Variants in RUSC2 observed in about 807,000 individuals in gnomAD.
The protein encoded by RUSC2 is AP-4 complex accessory subunit RUSC2.
In RUSC2, 34 loss-of-function variants were observed where a neutral mutation model predicts 122.2. That is an observed-to-expected ratio of 0.28 (90% CI 0.21 to 0.37). The LOEUF is 0.37. Among genes scored for constraint, RUSC2 ranks in the 10% least tolerant of loss-of-function variants. RUSC2 has a pLI of 1.00. For missense variants in RUSC2, 1,747 were observed against 1,952.4 expected (o/e 0.89, Z 1.98); for synonymous variants, 784 against 790.0 (o/e 0.99, Z 0.13).
In RUSC2 at chr9:35,561,711, C is replaced by T; in HGVS notation, c.*329C>T. The T allele has an allele frequency of 1.9e-6, 1 of 532,218 alleles. No individual in the cohort carries two copies. The highest frequency in any genetic ancestry group is 3.3e-6 in the Non-Finnish European group (1 of 302,182). The allele number at this position is 532,218 out of a possible 1,614,324, so 33.0% of individuals were successfully genotyped here. Reference sequence around the variant, plus strand: ...GCCCAGAAAGCCATCTACAGGGTTCCCTAGGCCAGGTGGAGATGAGGATGG... The same window carrying T: ...GCCCAGAAAGCCATCTACAGGGTTCTCTAGGCCAGGTGGAGATGAGGATGG... On this transcript the variant is annotated 3_prime_UTR_variant, in exon 12 of 12. Coordinates refer to ENST00000361226, the MANE Select transcript of RUSC2 (RefSeq NM_014806.5).
At chr9:35,503,423 T>G (rs1820853918) in intron 1 of RUSC2, among the ~76,000 whole-genome samples, 1 of 152,184 alleles carries the variant, frequency 6.6e-6, no homozygotes, top group African/African-American at 2.4e-5. Context: ...TCCAAGTTGC[T>G]AAAAAAGCCG....
intron 2 of RUSC2, among the ~76,000 whole-genome samples, chr9:35,549,577 A>G (rs762828605): frequency 5.3e-5 from 8 of 152,306 alleles, no homozygotes; most frequent in African/African-American, 9.6e-5. Context: ...TCAGACTGAA[A>G]CGTCAGGGAG....
chr9:35,497,539 G>A (rs1038869682), intron 1 of RUSC2, among the ~76,000 whole-genome samples: 3 of 152,074 alleles, frequency 2.0e-5, no homozygotes, highest in East Asian at 1.9e-4. Context: ...TCCTGAAGTC[G>A]GCAGCAGATT....
chr9:35,529,682 G>T (rs2132528417), intron 1 of RUSC2, among the ~76,000 whole-genome samples: 1 of 151,544 alleles, frequency 6.6e-6, no homozygotes, highest in Non-Finnish European at 1.5e-5. Flanking sequence ...GGTCATGACT[G>T]GATATAAATG....
At chr9:35,498,464 G>A (rs561065045) in intron 1 of RUSC2, among the ~76,000 whole-genome samples, 11 of 151,808 alleles carry the variant, frequency 7.2e-5, no homozygotes, top group East Asian at 3.9e-4. Flanking sequence ...GCTTGACCCC[G>A]GGAGGCAGAG....
At chr9:35,506,823 A>G (rs1384657641) in intron 1 of RUSC2, among the ~76,000 whole-genome samples, 1 of 152,218 alleles carries the variant, frequency 6.6e-6, no homozygotes, top group Non-Finnish European at 1.5e-5. Flanking sequence ...ATAAATATAT[A>G]AAAATGGGCC....
At chr9:35,539,174 G>A (rs1036752840) in intron 1 of RUSC2, 2 of 141,136 alleles carry the variant, frequency 1.4e-5, no homozygotes, top group African/African-American at 5.1e-5. Context: ...GCACATTTGG[G>A]CCCTGGCTTC....
intron 1 of RUSC2, among the ~76,000 whole-genome samples, chr9:35,514,669 T>C (rs1821070406): frequency 6.6e-6 from 1 of 152,118 alleles, no homozygotes; most frequent in East Asian, 1.9e-4. Context: ...GTGACTTAAA[T>C]AAGATGGAGG....
At chr9:35,523,597 T>C (rs945546514) in intron 1 of RUSC2, among the ~76,000 whole-genome samples, 3 of 151,868 alleles carry the variant, frequency 2.0e-5, no homozygotes, top group African/African-American at 7.3e-5. Context: ...GGCTGGATCC[T>C]TGAGCCCAGG....
intron 1 of RUSC2, among the ~76,000 whole-genome samples, chr9:35,524,078 C>T (rs1332840309): frequency 6.6e-6 from 1 of 152,024 alleles, no homozygotes; most frequent in Non-Finnish European, 1.5e-5. Flanking sequence ...AATCCCAGCA[C>T]TTTGGGAGGC....
Position 35,547,635 on chromosome 9 carries a change from C to T in RUSC2, c.1114C>T (p.Pro372Ser). Residue 372 changes from proline to serine, a missense_variant, in exon 2 of 12, where the codon CCG becomes TCG. By Grantham distance (74) the Pro-to-Ser change is moderately conservative (BLOSUM62 -1). Coordinates refer to ENST00000361226, the MANE Select transcript of RUSC2 (RefSeq NM_014806.5). This position sits in a 1 kb window ranked among gnomAD's most constrained non-coding sequence, Gnocchi z 4.6. The stretch of plus-strand genomic sequence containing the variant: ...CAACTCCTACCGCCCACACTGTGAG[C>T]CGTGCCCAGCAGTGGCTGACCTCAC... ...NCNSYRPHCEPCPAVADLTAC... is the reference protein window; with the variant it reads ...NCNSYRPHCESCPAVADLTAC... The T allele has an allele frequency of 6.2e-7, 1 of 1,614,220 alleles. No homozygotes were observed. The highest frequency in any genetic ancestry group is 1.1e-5 in the South Asian group (1 of 91,088).
intron 1 of RUSC2, among the ~76,000 whole-genome samples, chr9:35,516,703 A>G (rs1248588424): frequency 6.6e-6 from 1 of 152,182 alleles, no homozygotes. Context: ...CTGTGGAAAG[A>G]GGATCTCTAG....
At chr9:35,506,996 T>C (rs1820928273) in intron 1 of RUSC2, among the ~76,000 whole-genome samples, 2 of 152,024 alleles carry the variant, frequency 1.3e-5, no homozygotes, top group African/African-American at 2.4e-5. Flanking sequence ...TGCACACCTG[T>C]AGTCCCAGCT....
chr9:35,501,877 A>G (rs995500054), intron 1 of RUSC2, among the ~76,000 whole-genome samples: 6 of 151,738 alleles, frequency 4.0e-5, no homozygotes. Context: ...TTTTTAATCC[A>G]CTCTAGTCCT....
intron 1 of RUSC2, among the ~76,000 whole-genome samples, chr9:35,526,636 G>A (rs1387163801): frequency 6.6e-6 from 1 of 152,170 alleles, no homozygotes; most frequent in Non-Finnish European, 1.5e-5. Flanking sequence ...ACTTGGTGTG[G>A]GGTACAGTGG....
intron 2 of RUSC2, among the ~76,000 whole-genome samples, chr9:35,552,186 C>A (rs1587865776): frequency 6.6e-6 from 1 of 151,776 alleles, no homozygotes; most frequent in East Asian, 1.9e-4. Flanking sequence ...CATGGAGAAA[C>A]CCCATCTCTA....
rs199958308 is a variant in RUSC2, at chr9:35,490,123, C to CGCCGCTGCCGCCGCT, written c.-137_-136insTGCCGCCGCTGCCGC. ...ACCCCTGGAGGGCGAGACACGCCGC[C>CGCCGCTGCCGCCGCT]GCCGCCGCCGCCGCCGGCGCGGAAG... is the stretch of plus-strand genomic sequence containing the variant. On this transcript the variant is annotated 5_prime_UTR_variant, in exon 1 of 12. Transcript: ENST00000361226. 1 of 101,398 alleles carries CGCCGCTGCCGCCGCT rather than the reference C, an allele frequency of 9.9e-6. No individual in the cohort carries two copies. Among genetic ancestry groups the CGCCGCTGCCGCCGCT allele is most frequent in the African/African-American group, 3.2e-5 (1 of 31,224 alleles). The allele number at this position is 101,398 out of a possible 1,614,324, so 6.3% of individuals were successfully genotyped here.
chr9:35,492,461 T>A (rs1173842283), intron 1 of RUSC2, among the ~76,000 whole-genome samples: 1 of 151,302 alleles, frequency 6.6e-6, no homozygotes, highest in Non-Finnish European at 1.5e-5. Context: ...GTGTTGAAGT[T>A]ACCCAGGAAA....
At chr9:35,493,837 C>A (rs894887381) in intron 1 of RUSC2, among the ~76,000 whole-genome samples, 5 of 152,068 alleles carry the variant, frequency 3.3e-5, no homozygotes, top group Non-Finnish European at 7.3e-5. Context: ...GAATAATATT[C>A]CATTGTATGT....
Sources: allele counts gnomAD v4.1 joint callset (sites outside exome capture counted in the v4.1 genomes callset), GRCh38; gene constraint gnomAD v4.1.1; non-coding constraint Gnocchi (gnomAD v3.1); transcripts MANE v1.5; gene names NCBI Gene and HGNC (gene_info 2026-07-23, HGNC 2026-07-21).